The following CCP110 variants were observed in gnomAD, a reference collection of about 807,000 sequenced individuals.
CCP110 encodes the protein centriolar coiled-coil protein 110.
CCP110 carries 43 observed loss-of-function variants against 105.5 expected under a neutral mutation model. That is an observed-to-expected ratio of 0.41 (90% confidence interval 0.32 to 0.53). The LOEUF (loss-of-function observed/expected upper bound fraction) is 0.53. Ranked by LOEUF, CCP110 falls within the 20% of genes least tolerant of loss-of-function variation. CCP110 has a pLI of 0.32. For missense variants in CCP110, 1,016 were observed against 1,189.1 expected, an observed-to-expected ratio of 0.85 and a Z score of 2.14; for synonymous variants, 353 against 392.1, an observed-to-expected ratio of 0.90 and a Z score of 1.18.
intron 10 of CCP110, 133 bp from the exon 11 acceptor site, chr16:19,545,684 A>C: frequency 3.2e-6 from 2 of 617,840 alleles, no homozygotes; most frequent in Non-Finnish European, 5.7e-6. Context: ...AAAATACAAA[A>C]CAAGATGATT....
In CCP110 at chr16:19,545,064, G is replaced by C. The variant is rs1970415134; in HGVS notation, c.2587-30G>C. ...TGAACTCTAACCTCATCTTTTAAAT[G>C]TATACAATATTTTCTTCTCTTGTGC... On this transcript the variant is annotated intron_variant, in intron 9 of 14. Transcript: ENST00000381396. The C allele has an allele frequency of 2.3e-6, 3 of 1,318,368 alleles. No individual in the cohort carries two copies. The South Asian group carries it at 3.7e-5, about 16-fold the overall frequency. 81.7% of individuals were successfully genotyped at this position (1,318,368 alleles called of 1,614,324 possible). A position where few individuals can be genotyped will look rare whatever the true frequency, so the allele number is the denominator to read the frequency against.
rs1970542520 is a variant in CCP110 at position 19,548,712 on chromosome 16, T to C, written c.2986+112T>C. On this transcript the variant is annotated intron_variant, in intron 14 of 14. Coordinates refer to ENST00000381396, the Ensembl canonical transcript of CCP110. This position sits in a 1 kb window ranked among gnomAD's most constrained non-coding sequence, Gnocchi z 4.1. ...ATTGTCTTTCCTTGCCACCATAATT[T>C]TGGCATATTCACAGTCATCTTATTA... is the stretch of plus-strand genomic sequence containing the variant. 1.5e-6 allele frequency: 1 copy of C among 669,084 alleles called. No individual in the cohort carries two copies. The highest frequency in any genetic ancestry group is 3.0e-5 in the Admixed American group (1 of 33,712). 41.4% of individuals were successfully genotyped at this position (669,084 alleles called of 1,614,324 possible). A position where few individuals can be genotyped will look rare whatever the true frequency, so the allele number is the denominator to read the frequency against.
exon 4 of CCP110, chr16:19,536,949 A>T: frequency 6.2e-7 from 1 of 1,614,258 alleles, no homozygotes; most frequent in Non-Finnish European, 8.5e-7. Flanking sequence ...ATTATGCCAA[A>T]GTTACCAACT....
rs1258702965 is a variant in CCP110, at chr16:19,548,587, A to G, written c.2973A>G (p.Arg991=). The G allele has an allele frequency of 2.6e-6, 4 of 1,547,562 alleles. No individual in the cohort carries two copies. Among genetic ancestry groups the G allele is most frequent in the South Asian group, 1.2e-5 (1 of 83,800 alleles). ...CTTCACAGAGCAGAGTGCCTAACAG[A>G]GTGCCTGTTTCAGGTTTGTAGAAAA... Residue 991 remains arginine (R), a synonymous_variant, in exon 14 of 15, where the codon AGA becomes AGG. Coordinates refer to ENST00000381396, the Ensembl canonical transcript of CCP110. The surrounding 1 kb of genome is among the most constrained non-coding windows in gnomAD (Gnocchi z 4.1).
intron 2 of CCP110, 123 bp downstream of exon 2, chr16:19,528,145 A>G (rs12446804): frequency 0.19 from 140,543 of 756,290 alleles, 14,030 homozygotes; most frequent in African/African-American, 0.23. Context: ...TTAGAGAAAT[A>G]CAAATGAATT....
chr16:19,536,445 G>C, exon 4 of CCP110: 2 of 1,613,916 alleles, frequency 1.2e-6, no homozygotes, highest in South Asian at 2.2e-5. Flanking sequence ...GTTAATGAGA[G>C]TCATTTAGAC....
chr16:19,524,299 C>T (rs1191133034), intron 1 of CCP110, among the ~76,000 whole-genome samples: 2 of 152,118 alleles, frequency 1.3e-5, no homozygotes, highest in Non-Finnish European at 2.9e-5. Flanking sequence ...GCTGGCCCCG[C>T]CTGGAGGGCC....
At chr16:19,540,759 A>G in exon 5 of CCP110, 5 of 1,613,832 alleles carry the variant, frequency 3.1e-6, no homozygotes, top group Non-Finnish European at 4.2e-6. Flanking sequence ...ATAGCTGAGC[A>G]GGAAAGGGAA....
intron 4 of CCP110, among the ~76,000 whole-genome samples, chr16:19,539,553 C>T (rs1698718124): frequency 6.6e-6 from 1 of 151,772 alleles, no homozygotes; most frequent in Non-Finnish European, 1.5e-5. Context: ...AGGGTTTCAC[C>T]ATGTTGGCCA....
At chr16:19,550,507 G>A (rs138299556) in intron 14 of CCP110, among the ~76,000 whole-genome samples, 1 of 152,142 alleles carries the variant, frequency 6.6e-6, no homozygotes, top group African/African-American at 2.4e-5. Context: ...TGGTTAAAAT[G>A]CTAACTATGA....
At chr16:19,545,768 G>A (rs914956193) in intron 10 of CCP110, 49 bp from the exon 11 acceptor site, 3 of 889,964 alleles carry the variant, frequency 3.4e-6, no homozygotes, top group Admixed American at 1.8e-5. Context: ...ATAATATAGT[G>A]GTATTAATTG....
In CCP110 at chr16:19,548,669, G is replaced by T; in HGVS notation, c.2986+69G>T. 1.0e-6 allele frequency: 1 copy of T among 958,156 alleles called. No homozygotes were observed. Among genetic ancestry groups the T allele is most frequent in the Non-Finnish European group, 1.6e-6 (1 of 631,554 alleles). The allele number at this position is 958,156 out of a possible 1,614,324, so 59.4% of individuals were successfully genotyped here. On this transcript the variant is annotated intron_variant, in intron 14 of 14. Coordinates refer to ENST00000381396, the Ensembl canonical transcript of CCP110. The surrounding 1 kb of genome is among the most constrained non-coding windows in gnomAD (Gnocchi z 4.1). ...GTGCACAAGCTGCCCCATAACTCAG[G>T]CCATAGAAGTGGAATAGATTGTCTT... is the stretch of plus-strand genomic sequence containing the variant.
chr16:19,536,638 G>A (rs1310625146), exon 4 of CCP110: 2 of 1,614,090 alleles, frequency 1.2e-6, no homozygotes, highest in South Asian at 2.2e-5. Flanking sequence ...TTTCGAAAGT[G>A]GACATACCTA....
In CCP110 at chr16:19,532,406, T is replaced by A; in HGVS notation, c.142-10T>A. ...GTGGGAAATAATTACATTTTTATGA[T>A]GTTTTGCAGCTTAACATTGAGAAAA... is the stretch of plus-strand genomic sequence containing the variant. On this transcript the variant is annotated splice_polypyrimidine_tract_variant and intron_variant, in intron 2 of 14. Coordinates refer to ENST00000381396, the Ensembl canonical transcript of CCP110. 2.5e-6 allele frequency: 4 copies of A among 1,570,378 alleles called. No homozygotes were observed. Among genetic ancestry groups the A allele is most frequent in the Non-Finnish European group, 3.4e-6 (4 of 1,163,978 alleles).
chr16:19,532,633 T>C, intron 3 of CCP110, 89 bp downstream of exon 3: 1 of 1,028,528 alleles, frequency 9.7e-7, no homozygotes, highest in Non-Finnish European at 1.4e-6. Context: ...TGCACTTAAC[T>C]AATTACTAAT....
chr16:19,527,149 T>C (rs1969700935), intron 1 of CCP110: 1 of 152,186 alleles, frequency 6.6e-6, no homozygotes, highest in African/African-American at 2.4e-5. Flanking sequence ...TTTTCAACAA[T>C]AAAATATAAT....
Position 19,531,167 on chromosome 16 carries a change from A to G in CCP110, c.142-1249A>G, listed in dbSNP as rs554950230. Among the ~76,000 whole-genome samples, 70 of 152,328 alleles carry G rather than the reference A, an allele frequency of 4.6e-4. No homozygotes were observed. The Middle Eastern group carries it at 0.01, about 22-fold the overall frequency. On this transcript the variant is annotated intron_variant, in intron 2 of 14. Coordinates refer to ENST00000381396, the Ensembl canonical transcript of CCP110. ...AAAGTTTTAAAACAACATATTTATC[A>G]GCTATTTGATAACACATTGCTTGAT...
intron 3 of CCP110, among the ~76,000 whole-genome samples, chr16:19,535,442 A>G (rs2151468773): frequency 6.6e-6 from 1 of 152,312 alleles, no homozygotes; most frequent in South Asian, 2.1e-4. Context: ...TGCTTAATCA[A>G]TGTCCTGGAC....
At chr16:19,529,703 A>G (rs12929603) in intron 2 of CCP110, among the ~76,000 whole-genome samples, 23,345 of 152,158 alleles carry the variant, frequency 0.15, 1,860 homozygotes, top group Admixed American at 0.2. Context: ...CCCCAATACC[A>G]TTATCACATC....
Sources: gnomAD v4.1 joint callset for allele counts (sites outside exome capture counted in the v4.1 genomes callset) on GRCh38, gnomAD v4.1.1 for gene constraint, Gnocchi (gnomAD v3.1) non-coding constraint, MANE v1.5 for transcripts, NCBI Gene and HGNC (gene_info 2026-07-23, HGNC 2026-07-21) for gene names.